CRTAC1: variants seen among roughly 807,000 people sequenced by gnomAD.
CRTAC1 encodes the protein cartilage acidic protein 1, also known as acidic secreted protein in cartilage.
In CRTAC1, 37 loss-of-function variants were observed where a neutral mutation model predicts 67.8. The observed-to-expected ratio is 0.55, with a 90% CI of 0.42 to 0.72. CRTAC1 has a LOEUF of 0.72. Among genes scored for constraint, CRTAC1 ranks in the 30% least tolerant of loss-of-function variants. CRTAC1 has a pLI of 0.00. For missense variants in CRTAC1, 780 were observed against 931.6 expected (o/e 0.84, Z 2.12); for synonymous variants, 348 against 371.0 (o/e 0.94, Z 0.71).
intron 2 of CRTAC1, among the ~76,000 whole-genome samples, chr10:98,010,292 G>A (rs1468691616): frequency 5.9e-5 from 9 of 152,008 alleles, no homozygotes; most frequent in African/African-American, 1.9e-4. Context: ...CACCCATCTC[G>A]GCCTCCTAAA....
At chr10:97,959,975 G>A (rs1006203355) in intron 2 of CRTAC1, among the ~76,000 whole-genome samples, 2 of 152,212 alleles carry the variant, frequency 1.3e-5, no homozygotes, top group African/African-American at 4.8e-5. Context: ...GTTTTTACTT[G>A]GGGCTGGCCC....
intron 2 of CRTAC1, among the ~76,000 whole-genome samples, chr10:97,939,576 C>A (rs982329554): frequency 2.0e-5 from 3 of 152,184 alleles, no homozygotes; most frequent in African/African-American, 7.2e-5. Flanking sequence ...CTCCTTTCAC[C>A]CAGGCTGCTC....
chr10:97,945,271 C>T (rs543806166), intron 2 of CRTAC1, among the ~76,000 whole-genome samples: 6 of 152,144 alleles, frequency 3.9e-5, no homozygotes, highest in South Asian at 2.1e-4. Flanking sequence ...GTGCAGAGCC[C>T]GAGGGTGGAA....
intron 11 of CRTAC1, among the ~76,000 whole-genome samples, chr10:97,886,617 G>A (rs1384890179): frequency 6.6e-6 from 1 of 151,782 alleles, no homozygotes. Flanking sequence ...TGGGACTGGG[G>A]AGTGCCAACT....
chr10:97,907,921 A>C, intron 6 of CRTAC1, 92 bp downstream of exon 6: 1 of 1,405,196 alleles, frequency 7.1e-7, no homozygotes, highest in South Asian at 1.3e-5. Flanking sequence ...CAGCCAGAAG[A>C]GACTATCCTG....
chr10:97,993,433 C>A (rs185654196), intron 2 of CRTAC1, among the ~76,000 whole-genome samples: 171 of 152,286 alleles, frequency 1.1e-3, no homozygotes, highest in African/African-American at 3.8e-3. Flanking sequence ...TGAGTGTCTT[C>A]GCTGTAGCAA....
intron 2 of CRTAC1, among the ~76,000 whole-genome samples, chr10:97,973,896 A>C (rs2051754753): frequency 6.7e-6 from 1 of 149,212 alleles, no homozygotes; most frequent in Non-Finnish European, 1.5e-5. Context: ...AAACTGCAGA[A>C]TTCTGTGATT....
chr10:97,950,271 A>AGAGAGT (rs1234717122), intron 2 of CRTAC1, among the ~76,000 whole-genome samples: 2 of 151,748 alleles, frequency 1.3e-5, no homozygotes, highest in Non-Finnish European at 2.9e-5. Context: ...AGAGAGAGAG[A>AGAGAGT]GAGAGAGAGA....
chr10:97,886,649 CTTT>C (rs34354595), intron 11 of CRTAC1, among the ~76,000 whole-genome samples: 1 of 141,884 alleles, frequency 7.0e-6, no homozygotes, highest in Non-Finnish European at 1.5e-5. Context: ...TTTCTTTTTT[CTTT>C]TTTTTTTTTT....
intron 13 of CRTAC1, among the ~76,000 whole-genome samples, chr10:97,881,854 G>T (rs770533320): frequency 3.9e-5 from 6 of 152,084 alleles, no homozygotes; most frequent in African/African-American, 1.2e-4. Flanking sequence ...CTGCCGAACT[G>T]CTCCTCATTC....
Position 97,865,448 on chromosome 10 carries a change from G to C in CRTAC1, c.*100C>G, listed in dbSNP as rs2050008269. On this transcript the variant is annotated 3_prime_UTR_variant, in exon 15 of 15. Transcript: ENST00000370597. ...CATGGATGGGCTTGGGGAGGGTCTA[G>C]CTCCCAGGCCTTTACATCCCTACTG... is the stretch of plus-strand genomic sequence containing the variant. The C allele has an allele frequency of 1.4e-6, 2 of 1,430,038 alleles. No individual in the cohort carries two copies. The highest frequency in any genetic ancestry group is 1.9e-6 in the Non-Finnish European group (2 of 1,060,238). The allele number at this position is 1,430,038 out of a possible 1,614,324, so 88.6% of individuals were successfully genotyped here.
chr10:98,015,010 G>A (rs1304770718), intron 1 of CRTAC1, among the ~76,000 whole-genome samples: 1 of 152,168 alleles, frequency 6.6e-6, no homozygotes, highest in Non-Finnish European at 1.5e-5. Context: ...GTTCATAGAA[G>A]TATTATTCAC....
chr10:97,899,019 T>C (rs2050498290), intron 8 of CRTAC1, among the ~76,000 whole-genome samples: 1 of 152,192 alleles, frequency 6.6e-6, no homozygotes, highest in South Asian at 2.1e-4. Context: ...TCAAGCACAC[T>C]GAGGCTTTAT....
chr10:98,005,100 A>ATATATATTTTTTTTT, intron 2 of CRTAC1, among the ~76,000 whole-genome samples: 6 of 48,886 alleles, frequency 1.2e-4, no homozygotes, highest in African/African-American at 6.9e-4. Context: ...ATATATATAT[A>ATATATATTTTTTTTT]TTTTTTTTTT....
At chr10:97,991,779 C>A (rs1430130111) in intron 2 of CRTAC1, among the ~76,000 whole-genome samples, 1 of 152,130 alleles carries the variant, frequency 6.6e-6, no homozygotes, top group Non-Finnish European at 1.5e-5. Flanking sequence ...CTTCTTTTTA[C>A]TTCCTGGTTT....
rs1164045906 is a variant in CRTAC1 at position 97,897,299 on chromosome 10, T to A, written c.1134-308A>T. Reference sequence around the variant, plus strand: ...GGACACAACTACCTTCAACCAACCTTCCTTGTCCTTCAAGTGGCCCCTGGG... The same window carrying A: ...GGACACAACTACCTTCAACCAACCTACCTTGTCCTTCAAGTGGCCCCTGGG... On this transcript the variant is annotated intron_variant, in intron 8 of 14. Coordinates refer to ENST00000370597, the MANE Select transcript of CRTAC1 (RefSeq NM_018058.7). Among the ~76,000 whole-genome samples the A allele has an allele frequency of 2.0e-5, 3 of 152,224 alleles. No homozygotes were observed. In the East Asian group the frequency reaches 5.8e-4, roughly 29 times the overall value.
intron 8 of CRTAC1, among the ~76,000 whole-genome samples, chr10:97,897,878 T>C (rs2136560392): frequency 6.6e-6 from 1 of 152,330 alleles, no homozygotes; most frequent in East Asian, 1.9e-4. Flanking sequence ...TCCTACCACA[T>C]TGCAGGTTGC....
chr10:97,905,310 C>T (rs2050596917), intron 6 of CRTAC1, among the ~76,000 whole-genome samples: 1 of 152,184 alleles, frequency 6.6e-6, no homozygotes, highest in African/African-American at 2.4e-5. Flanking sequence ...TCTGGTCCCA[C>T]TCTCCCCATC....
intron 11 of CRTAC1, among the ~76,000 whole-genome samples, chr10:97,887,379 G>C (rs552708646): frequency 6.6e-6 from 1 of 152,084 alleles, no homozygotes. Flanking sequence ...GAGTAGCTGG[G>C]ATTACAGGCA....
Sources: allele counts gnomAD v4.1 joint callset (sites outside exome capture counted in the v4.1 genomes callset), GRCh38; gene constraint gnomAD v4.1.1; transcripts MANE v1.5; gene names NCBI Gene and HGNC (gene_info 2026-07-23, HGNC 2026-07-21).